C4orf54: variants seen among roughly 807,000 people sequenced by gnomAD.
C4orf54 encodes chromosome 4 open reading frame 54.
A neutral mutation model predicts 80.1 loss-of-function variants in C4orf54; 67 were observed. The observed-to-expected ratio is 0.84, with a 90% CI of 0.69 to 1.03. The LOEUF (loss-of-function observed/expected upper bound fraction) is 1.03, where lower values mean the gene tolerates loss of function less well. Ranked by LOEUF, C4orf54 falls within the 50% of genes least tolerant of loss-of-function variation. C4orf54 has a pLI of 0.00. For synonymous variants in C4orf54, 1,000 were observed against 917.0 expected (o/e 1.09, Z -1.64); for missense variants, 2,434 against 2,253.5 (o/e 1.08, Z -1.62).
chr4:99,641,110 A>G lies in C4orf54; in HGVS notation c.*123T>C. ...AAAAATTAAGAATAACACATGTGGA[A>G]GAAGTTTTTCAGATGAAATAATTCT... On this transcript the variant is annotated 3_prime_UTR_variant, in exon 3 of 3. Coordinates refer to ENST00000511828, the MANE Select transcript of C4orf54 (RefSeq NM_001354435.2). 6.6e-6 allele frequency: 1 copy of G among 152,174 alleles called. No individual in the cohort carries two copies. The highest frequency in any genetic ancestry group is 1.9e-4 in the East Asian group (1 of 5,204). The allele number at this position is 152,174 out of a possible 1,614,324, so 9.4% of individuals were successfully genotyped here.
In C4orf54 at chr4:99,652,922, G is replaced by A. The variant is rs771441775; in HGVS notation, c.1727C>T (p.Ala576Val). The A allele has an allele frequency of 6.5e-6, 10 of 1,536,062 alleles. No homozygotes were observed. Among genetic ancestry groups the A allele is most frequent in the South Asian group, 4.8e-5 (4 of 84,070 alleles). The change falls in exon 2 of 3, where the codon GCT (alanine) becomes GTT (valine). Residue 576 changes from alanine to valine, a missense_variant. Physicochemically the swap from Ala to Val is moderately conservative, Grantham distance 64. Coordinates refer to ENST00000511828, the MANE Select transcript of C4orf54 (RefSeq NM_001354435.2). ...AATGAATTTCTTTGCATGGTCCTGA[G>A]CCACTGCTGCAGCCGGGTTTTGCTT... ...SLKQNPAAAV[A>V]QDHAKKFIAV... is the part of the protein sequence containing the mutation.
rs1365181202 is a variant in C4orf54 at position 99,651,057 on chromosome 4, A to G, written c.3592T>C (p.Ser1198Pro). The G allele has an allele frequency of 1.3e-6, 2 of 1,535,962 alleles. No individual in the cohort carries two copies. Among genetic ancestry groups the G allele is most frequent in the Non-Finnish European group, 1.7e-6 (2 of 1,146,892 alleles). Reference sequence around the variant, plus strand: ...ATGGTAGCCACAGGCAGCCTGCCAGATGCCCTGTGAACCAAGACTGTCCCT... The same window carrying G: ...ATGGTAGCCACAGGCAGCCTGCCAGGTGCCCTGTGAACCAAGACTGTCCCT... ...PEGTVLVHRA[S>P]GRLPVATIAP... The change falls in exon 2 of 3, where the codon TCT becomes CCT. Residue 1198 changes from serine to proline, a missense_variant. Ser to Pro is a moderately conservative substitution (Grantham distance 74). Coordinates refer to ENST00000511828, the MANE Select transcript of C4orf54 (RefSeq NM_001354435.2).
In C4orf54 at chr4:99,651,179, G is replaced by C; in HGVS notation, c.3470C>G (p.Ala1157Gly). Residue 1157 changes from alanine to glycine, a missense_variant, in exon 2 of 3, where the codon GCT (alanine) becomes GGT (glycine). Ala to Gly is a moderately conservative substitution (Grantham distance 60). Coordinates refer to ENST00000511828, the MANE Select transcript of C4orf54 (RefSeq NM_001354435.2). Reference protein sequence around the residue: ...SLSPMVITCQAVVNQREDSMD... With the variant: ...SLSPMVITCQGVVNQREDSMD... ...GCTGTCTTCCCTCTGGTTCACTACA[G>C]CCTGGCATGTAATCACCATGGGGGA... The C allele has an allele frequency of 4.6e-6, 7 of 1,536,138 alleles. No homozygotes were observed. The highest frequency in any genetic ancestry group is 5.2e-6 in the Non-Finnish European group (6 of 1,146,910).
chr4:99,651,674 A>G lies in C4orf54; in HGVS notation c.2975T>C (p.Val992Ala). 1 of 1,535,730 alleles carries G rather than the reference A, an allele frequency of 6.5e-7. No homozygotes were observed. The highest frequency in any genetic ancestry group is 8.7e-7 in the Non-Finnish European group (1 of 1,146,802). ...SKNTIMSRLFVPNIQQTPKDK... is the reference protein window; with the variant it reads ...SKNTIMSRLFAPNIQQTPKDK... ...CTTGGGTGTCTGCTGGATGTTGGGG[A>G]CAAAGAGGCGAGACATGATGGTGTT... The change falls in exon 2 of 3, where the codon GTC becomes GCC. Residue 992 changes from valine (V) to alanine (A), a missense_variant. Physicochemically the swap from Val to Ala is moderately conservative, Grantham distance 64 (BLOSUM62 0). Transcript: ENST00000511828.
At position 99,651,331 on chromosome 4, in the gene C4orf54, T is replaced by C; in HGVS notation, c.3318A>G (p.Arg1106=). The C allele has an allele frequency of 6.5e-7, 1 of 1,536,156 alleles. No homozygotes were observed. The highest frequency in any genetic ancestry group is 1.2e-5 in the South Asian group (1 of 84,046). ...SKAQGPLHQV[R]DVRKLIKGSG... is the part of the protein sequence containing the mutation. ...ACCCTTTAATTAGTTTCCTGACATC[T>C]CTCACCTGGTGGAGGGGGCCTTGAG... is the stretch of plus-strand genomic sequence containing the variant. The change falls in exon 2 of 3, where the codon AGA becomes AGG. Residue 1106 remains arginine (R), a synonymous_variant. Coordinates refer to ENST00000511828, the MANE Select transcript of C4orf54 (RefSeq NM_001354435.2).
rs149084364 is a variant in C4orf54, at chr4:99,640,936, C to T, written c.*297G>A. 2.6e-5 allele frequency: 4 copies of T among 152,148 alleles called. No homozygotes were observed. The highest frequency in any genetic ancestry group is 5.9e-5 in the Non-Finnish European group (4 of 67,982). The allele number at this position is 152,148 out of a possible 1,614,324, so 9.4% of individuals were successfully genotyped here. A position where few individuals can be genotyped will look rare whatever the true frequency, so the allele number is the denominator to read the frequency against. On this transcript the variant is annotated 3_prime_UTR_variant, in exon 3 of 3. Coordinates refer to ENST00000511828, the MANE Select transcript of C4orf54 (RefSeq NM_001354435.2). ...AGGGGGGAAGGAGGTGAATAGAAAG[C>T]TTATATCCTGTGTTGAAGTATAAAA... is the stretch of plus-strand genomic sequence containing the variant.
rs867140908 is a variant in C4orf54 at position 99,657,697 on chromosome 4, T to C, written c.-234A>G. On this transcript the variant is annotated 5_prime_UTR_variant, in exon 1 of 3. Transcript: ENST00000511828. Reference sequence around the variant, plus strand: ...TTAAAAGCAAAAAACAACTGATAAATAGAAAAACGATAAAGGCTAAAGTAA... The same window carrying C: ...TTAAAAGCAAAAAACAACTGATAAACAGAAAAACGATAAAGGCTAAAGTAA... Among the ~76,000 whole-genome samples the C allele has an allele frequency of 6.6e-6, 1 of 152,072 alleles. No homozygotes were observed. The highest frequency in any genetic ancestry group is 1.5e-5 in the Non-Finnish European group (1 of 67,988).
chr4:99,643,807 G>C (rs1726652602), intron 2 of C4orf54, among the ~76,000 whole-genome samples: 1 of 114,224 alleles, frequency 8.8e-6, no homozygotes, highest in Non-Finnish European at 2.0e-5. Flanking sequence ...CTCCGCGGCA[G>C]TAAAACGGCC....
At chr4:99,643,792 A>ACACACACC (rs61130907) in intron 2 of C4orf54, among the ~76,000 whole-genome samples, 3,074 of 98,332 alleles carry the variant, frequency 0.031, 99 homozygotes, top group Non-Finnish European at 0.045. Flanking sequence ...ACACACACAC[A>ACACACACC]CCCCCTCCGC....
At position 99,649,780 on chromosome 4, in the gene C4orf54, C is replaced by T. The variant is rs1560637118; in HGVS notation, c.4869G>A (p.Leu1623=). 1 of 1,536,218 alleles carries T rather than the reference C, an allele frequency of 6.5e-7. No homozygotes were observed. The highest frequency in any genetic ancestry group is 8.7e-7 in the Non-Finnish European group (1 of 1,146,904). Residue 1623 remains leucine (L), a synonymous_variant, in exon 2 of 3, where the codon CTG becomes CTA. Transcript: ENST00000511828. ...TCATGGGCTGTACTGGTGTGTCCAC[C>T]AGATAGTACTGGCCTGTTGTCACAT... ...LLDVTTGQYY[L]VDTPVQPMTR...
rs1726594847 is a variant in C4orf54 at position 99,640,841 on chromosome 4, C to A, written c.*392G>T. ...TTACTAGCTTGGTTTACAACAGAAT[C>A]AATCCCATTCTGTGGTATGTTTTGA... On this transcript the variant is annotated 3_prime_UTR_variant, in exon 3 of 3. Coordinates refer to ENST00000511828, the MANE Select transcript of C4orf54 (RefSeq NM_001354435.2). 6.6e-6 allele frequency: 1 copy of A among 152,134 alleles called. No individual in the cohort carries two copies. Among genetic ancestry groups the A allele is most frequent in the African/African-American group, 2.4e-5 (1 of 41,452 alleles). 9.4% of individuals were successfully genotyped at this position (152,134 alleles called of 1,614,324 possible).
chr4:99,639,524 A>G lies in C4orf54; in HGVS notation c.*1709T>C. ...ACAAGGGCATCTTTTTTATACACAG[A>G]GACTATGTTTCATATTTCATGTCTC... On this transcript the variant is annotated 3_prime_UTR_variant, in exon 3 of 3. Coordinates refer to ENST00000511828, the MANE Select transcript of C4orf54 (RefSeq NM_001354435.2). The G allele has an allele frequency of 6.6e-6, 1 of 152,096 alleles. No individual in the cohort carries two copies. The highest frequency in any genetic ancestry group is 1.9e-4 in the East Asian group (1 of 5,198). The allele number at this position is 152,096 out of a possible 1,614,324, so 9.4% of individuals were successfully genotyped here. A position where few individuals can be genotyped will look rare whatever the true frequency, so the allele number is the denominator to read the frequency against.
chr4:99,651,291 C>G lies in C4orf54; in HGVS notation c.3358G>C (p.Asp1120His). 6.5e-7 allele frequency: 1 copy of G among 1,536,140 alleles called. No individual in the cohort carries two copies. The highest frequency in any genetic ancestry group is 8.7e-7 in the Non-Finnish European group (1 of 1,146,916). Reference sequence around the variant, plus strand: ...TGCTCTGGGGTAACACTGCCCTTGTCACTACTATCCCCTGACCCTTTAATT... The same window carrying G: ...TGCTCTGGGGTAACACTGCCCTTGTGACTACTATCCCCTGACCCTTTAATT... ...KLIKGSGDSS[D>H]KGSVTPEQGL... The change falls in exon 2 of 3, where the codon GAC becomes CAC. Residue 1120 changes from aspartate to histidine, a missense_variant. Transcript: ENST00000511828.
Position 99,654,467 on chromosome 4 carries a change from G to A in C4orf54, c.182C>T (p.Thr61Ile), listed in dbSNP as rs1298774813. 2 of 709,498 alleles carry A rather than the reference G, an allele frequency of 2.8e-6. No individual in the cohort carries two copies. Among genetic ancestry groups the A allele is most frequent in the African/African-American group, 1.7e-5 (1 of 57,384 alleles). 44.0% of individuals were successfully genotyped at this position (709,498 alleles called of 1,614,324 possible). A position where few individuals can be genotyped will look rare whatever the true frequency, so the allele number is the denominator to read the frequency against. The stretch of plus-strand genomic sequence containing the variant: ...GCTCCTGGATGAGGCGGTGGAGGTG[G>A]TCTGTGGCTGGGGGGCTGCTGCTCC... The part of the protein sequence containing the change: ...SAGAAAPQPQ[T>I]TSTASSRSLP... The change falls in exon 2 of 3, where the codon ACC becomes ATC. Residue 61 changes from threonine (T) to isoleucine (I), a missense_variant. Transcript: ENST00000511828.
rs1390255421 is a variant in C4orf54, at chr4:99,653,198, C to G, written c.1451G>C (p.Gly484Ala). The change falls in exon 2 of 3, where the codon GGG (glycine) becomes GCG (alanine). Residue 484 changes from glycine to alanine, a missense_variant. Physicochemically the swap from Gly to Ala is moderately conservative, Grantham distance 60 (BLOSUM62 0). Coordinates refer to ENST00000511828, the MANE Select transcript of C4orf54 (RefSeq NM_001354435.2). ...CTCAGTCAGGGGGGCAGTGCCAGGC[C>G]CAGTGGGTGGGGGAGTGGGGCCACT... Reference protein sequence around the residue: ...SDSGPTPPPTGPGTAPLTEPL... With the variant: ...SDSGPTPPPTAPGTAPLTEPL... 1 of 1,535,650 alleles carries G rather than the reference C, an allele frequency of 6.5e-7. No homozygotes were observed.
chr4:99,652,067 C>T lies in C4orf54; in HGVS notation c.2582G>A (p.Gly861Asp). The T allele has an allele frequency of 2.0e-6, 3 of 1,536,120 alleles. No homozygotes were observed. The highest frequency in any genetic ancestry group is 2.4e-5 in the South Asian group (2 of 84,060). The change falls in exon 2 of 3, where the codon GGC becomes GAC. Residue 861 changes from glycine (G) to aspartate (D), a missense_variant. By Grantham distance (94) the Gly-to-Asp change is moderately conservative (BLOSUM62 -1). Coordinates refer to ENST00000511828, the MANE Select transcript of C4orf54 (RefSeq NM_001354435.2). ...GTGACGAGAGCTCTGCCTCTGCAGG[C>T]CCCTCTCTCGCTGCCTCTCGCTCCC... ...ARGSERQRER[G>D]LQRQSSRHSE...
rs762729668 is a variant in C4orf54 at position 99,654,442 on chromosome 4, G to T, written c.207C>A (p.Ser69Arg). The T allele has an allele frequency of 1.4e-6, 1 of 729,942 alleles. No individual in the cohort carries two copies. Among genetic ancestry groups the T allele is most frequent in the East Asian group, 2.7e-5 (1 of 37,362 alleles). The allele number at this position is 729,942 out of a possible 1,614,324, so 45.2% of individuals were successfully genotyped here. The change falls in exon 2 of 3, where the codon AGC becomes AGA. Residue 69 changes from serine (S) to arginine (R), a missense_variant. By Grantham distance (110) the Ser-to-Arg change is moderately radical. Coordinates refer to ENST00000511828, the MANE Select transcript of C4orf54 (RefSeq NM_001354435.2). ...PQTTSTASSR[S>R]LPTSLRLAAA... ...CAGCAAGCCTGAGGGAGGTGGGAAG[G>T]CTCCTGGATGAGGCGGTGGAGGTGG...
Position 99,652,693 on chromosome 4 carries a change from C to G in C4orf54, c.1956G>C (p.Thr652=). 6.5e-7 allele frequency: 1 copy of G among 1,536,062 alleles called. No individual in the cohort carries two copies. Among genetic ancestry groups the G allele is most frequent in the Non-Finnish European group, 8.7e-7 (1 of 1,146,888 alleles). The change falls in exon 2 of 3, where the codon ACG becomes ACC. Residue 652 remains threonine, a synonymous_variant. Coordinates refer to ENST00000511828, the MANE Select transcript of C4orf54 (RefSeq NM_001354435.2). Reference sequence around the variant, plus strand: ...AGCGCCCAAAGCCCACTTCGGAGAGCGTGGTGGAGGACTCCCGGGAGCTGA... The same window carrying G: ...AGCGCCCAAAGCCCACTTCGGAGAGGGTGGTGGAGGACTCCCGGGAGCTGA... The part of the protein sequence containing the change: ...LNISSRESST[T]LSEVGFGRWS...
In C4orf54 at chr4:99,652,695, T is replaced by G; in HGVS notation, c.1954A>C (p.Thr652Pro). 6.5e-7 allele frequency: 1 copy of G among 1,535,970 alleles called. No individual in the cohort carries two copies. The highest frequency in any genetic ancestry group is 8.7e-7 in the Non-Finnish European group (1 of 1,146,848). Residue 652 changes from threonine to proline, a missense_variant, in exon 2 of 3, where the codon ACG (threonine) becomes CCG (proline). Physicochemically the swap from Thr to Pro is conservative, Grantham distance 38. Transcript: ENST00000511828. ...LNISSRESSTTLSEVGFGRWS... is the reference protein window; with the variant it reads ...LNISSRESSTPLSEVGFGRWS... ...CGCCCAAAGCCCACTTCGGAGAGCG[T>G]GGTGGAGGACTCCCGGGAGCTGATG...
Sources: gnomAD v4.1 joint callset for allele counts (sites outside exome capture counted in the v4.1 genomes callset) on GRCh38, gnomAD v4.1.1 for gene constraint, MANE v1.5 for transcripts, NCBI Gene and HGNC (gene_info 2026-07-23, HGNC 2026-07-21) for gene names.